The following TULP3 variants were observed in gnomAD, a reference collection of about 807,000 sequenced individuals.
The protein encoded by TULP3 is tubby-related protein 3.
A neutral mutation model predicts 50.7 loss-of-function variants in TULP3; 38 were observed. The observed-to-expected ratio is 0.75, with a 90% CI of 0.58 to 0.98. The LOEUF is 0.98. Among genes scored for constraint, TULP3 ranks in the 50% least tolerant of loss-of-function variants. The pLI is 0.00. For synonymous variants in TULP3, 183 were observed against 196.6 expected, an observed-to-expected ratio of 0.93 and a Z score of 0.58; for missense variants, 550 against 568.0, an observed-to-expected ratio of 0.97 and a Z score of 0.32.
At chr12:2,911,664 CTTTTTTTTTTTTTTTT>C (rs56027951) in intron 2 of TULP3, among the ~76,000 whole-genome samples, 19 of 38,170 alleles carry the variant, frequency 5.0e-4, no homozygotes, top group East Asian at 1.5e-3. Context: ...TGCGCCCAGC[CTTTTTTTTTTTTTTTT>C]TTTTTTTTTT....
intron 2 of TULP3, among the ~76,000 whole-genome samples, chr12:2,917,623 A>G (rs1247239642): frequency 1.3e-5 from 2 of 152,048 alleles, no homozygotes; most frequent in Admixed American, 1.3e-4. Flanking sequence ...CATGCCTGTA[A>G]TCCCAGCACT....
chr12:2,891,137 A>C, intron 1 of TULP3, 149 bp downstream of exon 1: 1 of 962,116 alleles, frequency 1.0e-6, no homozygotes, highest in Non-Finnish European at 1.5e-6. Flanking sequence ...GCGGGAGGCG[A>C]CCCCCTCGCC....
At chr12:2,914,451 C>T (rs550952029) in intron 2 of TULP3, among the ~76,000 whole-genome samples, 27 of 152,290 alleles carry the variant, frequency 1.8e-4, no homozygotes, top group African/African-American at 6.0e-4. Context: ...TATAGTCACC[C>T]TCTTGTGCTA....
chr12:2,905,928 GC>G (rs2153948546), intron 1 of TULP3, among the ~76,000 whole-genome samples: 1 of 151,690 alleles, frequency 6.6e-6, no homozygotes, highest in South Asian at 2.1e-4. Context: ...TGTAGCAGCA[GC>G]TGTTTGAAAA....
At position 2,931,182 on chromosome 12, in the gene TULP3, T is replaced by G. The variant is rs754606546; in HGVS notation, c.638T>G (p.Met213Arg). The change falls in exon 6 of 11, where the codon ATG becomes AGG. Residue 213 changes from methionine (M) to arginine (R), a missense_variant. By Grantham distance (91) the Met-to-Arg change is moderately conservative. Transcript: ENST00000448120. Reference sequence around the variant, plus strand: ...CGGATAATCCGGGATAAAAGGGGAATGGATCGGGGTCTCTTCCCCACCTAC... The same window carrying G: ...CGGATAATCCGGGATAAAAGGGGAAGGGATCGGGGTCTCTTCCCCACCTAC... ...RCRIIRDKRG[M>R]DRGLFPTYYM... 6.2e-7 allele frequency: 1 copy of G among 1,614,138 alleles called. No individual in the cohort carries two copies. Among genetic ancestry groups the G allele is most frequent in the Non-Finnish European group, 8.5e-7 (1 of 1,180,024 alleles).
At chr12:2,900,697 CTT>C (rs67978135) in intron 1 of TULP3, among the ~76,000 whole-genome samples, 1 of 147,658 alleles carries the variant, frequency 6.8e-6, no homozygotes, top group Non-Finnish European at 1.5e-5. Flanking sequence ...CTTGCAGATA[CTT>C]TTTTTTTTTC....
intron 2 of TULP3, among the ~76,000 whole-genome samples, chr12:2,912,198 G>A (rs2098186078): frequency 6.6e-6 from 1 of 152,208 alleles, no homozygotes; most frequent in Non-Finnish European, 1.5e-5. Context: ...GTGATTTTAG[G>A]TAAAGTTCTT....
intron 2 of TULP3, among the ~76,000 whole-genome samples, chr12:2,917,746 G>A (rs1428659921): frequency 2.6e-5 from 4 of 151,420 alleles, no homozygotes; most frequent in East Asian, 4.0e-4. Flanking sequence ...GCGCGGTGCC[G>A]GACGCCTGTA....
At chr12:2,909,613 C>A (rs1393832770) in intron 2 of TULP3, 33 bp downstream of exon 2, 1 of 1,571,064 alleles carries the variant, frequency 6.4e-7, no homozygotes. Context: ...AAATAGGTGG[C>A]CAACTATACT....
intron 1 of TULP3, among the ~76,000 whole-genome samples, chr12:2,891,814 G>A (rs1318639561): frequency 1.3e-5 from 2 of 152,072 alleles, no homozygotes; most frequent in Non-Finnish European, 2.9e-5. Flanking sequence ...AGCACTTTGG[G>A]AGGCCAAGGC....
rs2098191307 is a variant in TULP3, at chr12:2,920,894, T to C, written c.225T>C (p.His75=). The change falls in exon 3 of 11, where the codon CAT becomes CAC. Residue 75 remains histidine, a synonymous_variant. Coordinates refer to ENST00000448120, the MANE Select transcript of TULP3 (RefSeq NM_003324.5). ...SDEQTPLVNC[H]TPHSNVILHG... is the part of the protein sequence containing the mutation. ...AGCAGACTCCCTTGGTGAACTGTCATACTCCCCACAGCAATGTCATCTTAC... is the reference window on the plus strand; with the variant it reads ...AGCAGACTCCCTTGGTGAACTGTCACACTCCCCACAGCAATGTCATCTTAC... The C allele has an allele frequency of 6.2e-7, 1 of 1,614,112 alleles. No homozygotes were observed. Among genetic ancestry groups the C allele is most frequent in the Non-Finnish European group, 8.5e-7 (1 of 1,180,020 alleles).
At chr12:2,916,741 C>A (rs1277343360) in intron 2 of TULP3, among the ~76,000 whole-genome samples, 1 of 152,192 alleles carries the variant, frequency 6.6e-6, no homozygotes, top group Non-Finnish European at 1.5e-5. Context: ...CCTCCCCCAT[C>A]CAAACTGCAT....
Position 2,937,621 on chromosome 12 carries a change from T to G in TULP3, c.925-10T>G. The stretch of plus-strand genomic sequence containing the variant: ...GTTTCCAAGTTCTGCTTTGTTTTCC[T>G]ATCTTCCAGGAAACAAACGTACTTG... On this transcript the variant is annotated splice_polypyrimidine_tract_variant and intron_variant, in intron 8 of 10. Coordinates refer to ENST00000448120, the MANE Select transcript of TULP3 (RefSeq NM_003324.5). The G allele has an allele frequency of 6.3e-7, 1 of 1,599,118 alleles. No homozygotes were observed. Among genetic ancestry groups the G allele is most frequent in the East Asian group, 2.2e-5 (1 of 44,800 alleles).
intron 1 of TULP3, among the ~76,000 whole-genome samples, chr12:2,900,508 A>G (rs887980487): frequency 2.0e-5 from 3 of 152,168 alleles, no homozygotes; most frequent in Non-Finnish European, 4.4e-5. Context: ...GGGAGATGGC[A>G]AGCTTTCCTA....
Position 2,931,082 on chromosome 12 carries a change from A to G in TULP3, c.538A>G (p.Asn180Asp), listed in dbSNP as rs372237123. ...GSATAAQPADNLLGDIDDLED... is the reference protein window; with the variant it reads ...GSATAAQPADDLLGDIDDLED... The stretch of plus-strand genomic sequence containing the variant: ...TGCTACTGCCGCCCAACCAGCTGAT[A>G]ACCTCCTGGGAGACATAGACGACCT... Residue 180 changes from asparagine to aspartate, a missense_variant, in exon 6 of 11, where the codon AAC (asparagine) becomes GAC (aspartate). Transcript: ENST00000448120. 5.0e-6 allele frequency: 8 copies of G among 1,613,980 alleles called. No individual in the cohort carries two copies. The African/African-American group carries it at 9.3e-5, about 19-fold the overall frequency.
At chr12:2,900,724 T>G (rs1464015083) in intron 1 of TULP3, among the ~76,000 whole-genome samples, 1 of 151,992 alleles carries the variant, frequency 6.6e-6, no homozygotes, top group Non-Finnish European at 1.5e-5. Flanking sequence ...TGCAGTTATT[T>G]TTATTTTTTG....
chr12:2,892,462 A>G (rs1056415912), intron 1 of TULP3, among the ~76,000 whole-genome samples: 10 of 151,026 alleles, frequency 6.6e-5, no homozygotes, highest in African/African-American at 1.7e-4. Context: ...TTTTTGGGGA[A>G]AAAAAAACGG....
At chr12:2,906,296 C>G (rs2098182191) in intron 1 of TULP3, among the ~76,000 whole-genome samples, 1 of 151,482 alleles carries the variant, frequency 6.6e-6, no homozygotes, top group African/African-American at 2.4e-5. Flanking sequence ...TCCAAAAGTG[C>G]TGGGAATACA....
intron 1 of TULP3, among the ~76,000 whole-genome samples, chr12:2,905,290 A>G (rs1408933995): frequency 1.3e-5 from 2 of 150,900 alleles, no homozygotes; most frequent in African/African-American, 2.4e-5. Flanking sequence ...GGTTCAAGCA[A>G]TTCTCTTGCC....
Sources: allele counts gnomAD v4.1 joint callset (sites outside exome capture counted in the v4.1 genomes callset), GRCh38; gene constraint gnomAD v4.1.1; transcripts MANE v1.5; gene names NCBI Gene and HGNC (gene_info 2026-07-23, HGNC 2026-07-21).